DEPDC5: variants seen among roughly 807,000 people sequenced by gnomAD.
DEPDC5 encodes GATOR1 complex protein DEPDC5.
Under a neutral mutation model 217.3 loss-of-function variants are expected in DEPDC5, and 73 were observed. That is an observed-to-expected ratio of 0.34 (90% CI 0.28 to 0.41). DEPDC5 has a LOEUF of 0.41. DEPDC5 is among the 10% of genes least tolerant of loss of function. The pLI, the probability that DEPDC5 is intolerant of heterozygous loss-of-function variation, is 1.00. For synonymous variants in DEPDC5, 733 were observed against 756.7 expected, an observed-to-expected ratio of 0.97 and a Z score of 0.51; for missense variants, 1,675 against 2,070.1, an observed-to-expected ratio of 0.81 and a Z score of 3.70.
Position 31,815,212 on chromosome 22 carries a change from G to C in DEPDC5, c.1666G>C (p.Asp556His). The C allele has an allele frequency of 2.5e-6, 4 of 1,614,018 alleles. No individual in the cohort carries two copies. The highest frequency in any genetic ancestry group is 2.5e-6 in the Non-Finnish European group (3 of 1,179,950). Reference protein sequence around the residue: ...SSSLGYTSTRDVLENMMEPPQ... With the variant: ...SSSLGYTSTRHVLENMMEPPQ... Reference sequence around the variant, plus strand: ...CTCCTTGGGATACACCAGCACTCGAGGTAAGAGTGCTGAAGCACAGACAGA... The same window carrying C: ...CTCCTTGGGATACACCAGCACTCGACGTAAGAGTGCTGAAGCACAGACAGA... Residue 556 changes from aspartate to histidine, a missense_variant and splice_region_variant, in exon 21 of 43, where the codon GAT (aspartate) becomes CAT (histidine). Physicochemically the swap from Asp to His is moderately conservative, Grantham distance 81 (BLOSUM62 -1). Around this residue, in one of 11 missense-constraint regions of DEPDC5, gnomAD observed 628 missense variants for 762.1 expected, o/e 0.82. Transcript: ENST00000651528.
intron 1 of DEPDC5, 31 bp downstream of exon 1, chr22:31,754,195 A>AT (rs2147918820): frequency 6.5e-6 from 1 of 153,664 alleles, no homozygotes; most frequent in African/African-American, 2.4e-5. Flanking sequence ...CGGACTGGGG[A>AT]TTGGGGGGGC....
intron 14 of DEPDC5, among the ~76,000 whole-genome samples, chr22:31,799,840 A>T (rs1601946789): frequency 2.1e-5 from 2 of 93,838 alleles, no homozygotes; most frequent in South Asian, 3.8e-4. Flanking sequence ...ACAGAGTCTT[A>T]CTCTGTCGCT....
At position 31,846,940 on chromosome 22, in the gene DEPDC5, C is replaced by T. The variant is rs759688210; in HGVS notation, c.3128C>T (p.Ala1043Val). ...AAGAAGGGAACCTCAGCTCTCTCTG[C>T]CCTGTTGGAGATGGAGGCCAGTCAG... Reference protein sequence around the residue: ...VGKKGTSALSALLEMEASQKC... With the variant: ...VGKKGTSALSVLLEMEASQKC... Residue 1043 changes from alanine (A) to valine (V), a missense_variant, in exon 31 of 43, where the codon GCC becomes GTC. Around this residue, in one of 11 missense-constraint regions of DEPDC5, gnomAD observed 293 missense variants for 386.1 expected, o/e 0.76. Transcript: ENST00000651528. 1 of 1,614,216 alleles carries T rather than the reference C, an allele frequency of 6.2e-7. No individual in the cohort carries two copies. Among genetic ancestry groups the T allele is most frequent in the Non-Finnish European group, 8.5e-7 (1 of 1,180,030 alleles).
At chr22:31,880,130 A>G in intron 38 of DEPDC5, 1 of 247,430 alleles carries the variant, frequency 4.0e-6, no homozygotes, top group East Asian at 9.0e-5. Flanking sequence ...GCATCCTATG[A>G]TCTCAGAAGA....
intron 24 of DEPDC5, among the ~76,000 whole-genome samples, chr22:31,832,315 C>T (rs1422737501): frequency 2.0e-5 from 3 of 152,138 alleles, no homozygotes; most frequent in Non-Finnish European, 4.4e-5. Context: ...GAGTAGATTG[C>T]TGGGTCAAAT....
At chr22:31,890,540 A>G (rs2093418489) in intron 38 of DEPDC5, 1 of 151,460 alleles carries the variant, frequency 6.6e-6, no homozygotes, top group Non-Finnish European at 1.5e-5. Flanking sequence ...GGAAACCCCA[A>G]CTCTATTAAA....
intron 31 of DEPDC5, among the ~76,000 whole-genome samples, chr22:31,856,158 C>CACAT (rs1280858236): frequency 1.4e-5 from 2 of 144,928 alleles, no homozygotes; most frequent in African/African-American, 2.5e-5. Flanking sequence ...CCAACGCGCA[C>CACAT]ACACACACAC....
intron 29 of DEPDC5, among the ~76,000 whole-genome samples, chr22:31,844,372 C>A (rs1326536783): frequency 2.6e-5 from 4 of 152,116 alleles, no homozygotes; most frequent in African/African-American, 9.7e-5. Context: ...CTAGCCTGGG[C>A]AACACAGCAA....
intron 34 of DEPDC5, among the ~76,000 whole-genome samples, chr22:31,871,856 C>T (rs910902960): frequency 3.9e-5 from 6 of 152,162 alleles, no homozygotes; most frequent in African/African-American, 1.4e-4. Context: ...TCCTGCTGCA[C>T]GGAAATGGGC....
intron 19 of DEPDC5, 57 bp downstream of exon 19, chr22:31,809,704 G>T: frequency 1.9e-6 from 3 of 1,588,140 alleles, no homozygotes; most frequent in Non-Finnish European, 2.6e-6. Flanking sequence ...AGCTGGCTGG[G>T]TGCAGTGGCT....
In DEPDC5 at chr22:31,897,584, C is replaced by T. The variant is rs778323702; in HGVS notation, c.4306C>T (p.Arg1436Cys). The T allele has an allele frequency of 2.0e-5, 33 of 1,614,046 alleles. No individual in the cohort carries two copies. The highest frequency in any genetic ancestry group is 4.5e-5 in the East Asian group (2 of 44,892). Reference protein sequence around the residue: ...LPSYLYGDPLRAQLFIPLNIS... With the variant: ...LPSYLYGDPLCAQLFIPLNIS... ...CAGTTACCTGTATGGCGACCCCCTT[C>T]GTGCCCAGCTCTTCATCCCACTCAA... The change falls in exon 40 of 43, where the codon CGT becomes TGT. Residue 1436 changes from arginine to cysteine, a missense_variant. This residue lies in a region of DEPDC5 where 182 missense variants were observed against 290.1 expected (regional missense o/e 0.63). Coordinates refer to ENST00000651528, the MANE Select transcript of DEPDC5 (RefSeq NM_001242896.3).
At chr22:31,876,888 C>T (rs945682995) in intron 37 of DEPDC5, among the ~76,000 whole-genome samples, 1 of 152,196 alleles carries the variant, frequency 6.6e-6, no homozygotes, top group Non-Finnish European at 1.5e-5. Context: ...CATGCTGGCT[C>T]ATACCTGTAA....
intron 24 of DEPDC5, among the ~76,000 whole-genome samples, chr22:31,832,404 C>A: frequency 6.6e-6 from 1 of 151,986 alleles, no homozygotes; most frequent in East Asian, 1.9e-4. Context: ...GTTCCATATC[C>A]TTGTCAACAC....
intron 7 of DEPDC5, among the ~76,000 whole-genome samples, chr22:31,775,691 C>A (rs2083762535): frequency 1.3e-5 from 2 of 152,024 alleles, no homozygotes; most frequent in Admixed American, 1.3e-4. Flanking sequence ...TTGAGCACGC[C>A]CTATCCTCAC....
intron 35 of DEPDC5, 195 bp from the exon 36 acceptor site, chr22:31,874,078 C>T (rs915970612): frequency 2.8e-5 from 23 of 816,234 alleles, no homozygotes; most frequent in Non-Finnish European, 3.9e-5. Context: ...CAGGCGTGAG[C>T]GACCACGCTG....
intron 24 of DEPDC5, among the ~76,000 whole-genome samples, chr22:31,829,070 C>T (rs1185174903): frequency 6.6e-6 from 1 of 152,188 alleles, no homozygotes; most frequent in Non-Finnish European, 1.5e-5. Context: ...GGTTCTTCAT[C>T]TGTGTAATGG....
At chr22:31,869,715 T>C (rs1421494172) in intron 33 of DEPDC5, among the ~76,000 whole-genome samples, 1 of 151,832 alleles carries the variant, frequency 6.6e-6, no homozygotes, top group Non-Finnish European at 1.5e-5. Context: ...TGGTAGGCAG[T>C]GTGGTGAGAT....
chr22:31,905,984 G>A lies in DEPDC5; in HGVS notation c.4437G>A (p.Arg1479=), dbSNP rs1057522689. ...AGCATGTCTTCCTGTCCTTCCCTAG[G>A]TTTGGGTTTGTACAAGATAAATATT... The part of the protein sequence containing the change: ...MHLFQEAIAH[R]FGFVQDKYSA... Residue 1479 remains arginine (R), a splice_region_variant and synonymous_variant, in exon 42 of 43, where the codon AGG becomes AGA. Transcript: ENST00000651528. The A allele has an allele frequency of 1.8e-5, 29 of 1,613,866 alleles. No homozygotes were observed. The highest frequency in any genetic ancestry group is 2.4e-5 in the Non-Finnish European group (28 of 1,179,928).
At chr22:31,901,700 C>A in intron 40 of DEPDC5, 42 bp from the exon 41 acceptor site, 1 of 1,558,916 alleles carries the variant, frequency 6.4e-7, no homozygotes, top group South Asian at 1.2e-5. Context: ...AATTACAAAC[C>A]TTGTGATCAC....
Sources: allele counts gnomAD v4.1 joint callset (sites outside exome capture counted in the v4.1 genomes callset), GRCh38; gene constraint gnomAD v4.1.1; regional missense constraint gnomAD v4.1.1; transcripts MANE v1.5; gene names NCBI Gene and HGNC (gene_info 2026-07-23, HGNC 2026-07-21).